Variants in CYFIP1 observed in about 807,000 individuals in gnomAD.
The protein encoded by CYFIP1 is cytoplasmic FMR1 interacting protein 1, also known as cytoplasmic FMR1-interacting protein 1.
In CYFIP1, 58 loss-of-function variants were observed where a neutral mutation model predicts 163.5. That is an observed-to-expected ratio of 0.35 (90% CI 0.29 to 0.44). The LOEUF is 0.44. CYFIP1 is among the 20% of genes least tolerant of loss of function. The pLI, the probability that CYFIP1 is intolerant of heterozygous loss-of-function variation, is 1.00. For synonymous variants in CYFIP1, 663 were observed against 660.7 expected, an observed-to-expected ratio of 1.00 and a Z score of -0.05; for missense variants, 1,338 against 1,653.8, an observed-to-expected ratio of 0.81 and a Z score of 3.31.
intron 8 of CYFIP1, among the ~76,000 whole-genome samples, chr15:22,938,830 G>A (rs55698585): frequency 0.24 from 36,933 of 151,274 alleles, 5,055 homozygotes; most frequent in African/African-American, 0.36. Context: ...TTGAGCCCAG[G>A]AGGTTGAGGC....
chr15:22,910,440 G>T (rs960731913), intron 20 of CYFIP1, 80 bp downstream of exon 20: 2 of 1,196,114 alleles, frequency 1.7e-6, no homozygotes, highest in Non-Finnish European at 2.4e-6. Flanking sequence ...GATTACAGGC[G>T]TGAGCCACCG....
rs1452588931 is a variant in CYFIP1, at chr15:22,868,926, T to C, written c.*1102A>G. 3.7e-5 allele frequency: 2 copies of C among 54,724 alleles called. No individual in the cohort carries two copies. The highest frequency in any genetic ancestry group is 6.8e-5 in the Non-Finnish European group (2 of 29,590). 3.4% of individuals were successfully genotyped at this position (54,724 alleles called of 1,614,324 possible). ...CTACAATAAACAGGCATAGCATCTT[T>C]TTCCATTCAGTTAGTTAGGATTTTC... On this transcript the variant is annotated 3_prime_UTR_variant, in exon 31 of 31. Coordinates refer to ENST00000617928, the MANE Select transcript of CYFIP1 (RefSeq NM_014608.6).
At chr15:22,969,408 A>G (rs2063013845) in intron 1 of CYFIP1, among the ~76,000 whole-genome samples, 1 of 152,214 alleles carries the variant, frequency 6.6e-6, no homozygotes, top group South Asian at 2.1e-4. Flanking sequence ...AATAGCACAG[A>G]TGCACATCAG....
At chr15:22,911,021 C>G (rs2060770535) in intron 18 of CYFIP1, among the ~76,000 whole-genome samples, 1 of 152,070 alleles carries the variant, frequency 6.6e-6, no homozygotes, top group South Asian at 2.1e-4. Context: ...CCTGCCTCAG[C>G]CTCCTGAGTA....
intron 23 of CYFIP1, 110 bp from the exon 24 acceptor site, chr15:22,883,121 G>C (rs949765543): frequency 7.6e-7 from 1 of 1,315,614 alleles, no homozygotes; most frequent in Admixed American, 2.1e-5. Context: ...GCGGGTCTGA[G>C]TCTACTGACT....
At chr15:22,880,638 C>T (rs1052850659) in intron 25 of CYFIP1, among the ~76,000 whole-genome samples, 29 of 152,322 alleles carry the variant, frequency 1.9e-4, no homozygotes, top group Admixed American at 7.2e-4. Flanking sequence ...AGACAGAAAC[C>T]GGCAGCTGAC....
chr15:22,892,417 C>A (rs1217285025), intron 23 of CYFIP1, among the ~76,000 whole-genome samples: 5 of 152,172 alleles, frequency 3.3e-5, no homozygotes, highest in Admixed American at 3.3e-4. Context: ...CAGGCACAGG[C>A]GGACATCCTT....
Position 22,873,052 on chromosome 15 carries a change from G to A in CYFIP1, c.3450-80C>T, listed in dbSNP as rs1463138830. 3.4e-6 allele frequency: 5 copies of A among 1,490,108 alleles called. No individual in the cohort carries two copies. The African/African-American group carries it at 4.1e-5, about 12-fold the overall frequency. The allele number at this position is 1,490,108 out of a possible 1,614,324, so 92.3% of individuals were successfully genotyped here. A position where few individuals can be genotyped will look rare whatever the true frequency, so the allele number is the denominator to read the frequency against. ...TTTCTCAGTCTGTCTCCAGATGTCA[G>A]TGACCAAGCCATCTGCATTACTGTC... On this transcript the variant is annotated intron_variant, in intron 29 of 30. Transcript: ENST00000617928.
intron 22 of CYFIP1, among the ~76,000 whole-genome samples, chr15:22,896,282 C>T (rs2060233155): frequency 6.6e-6 from 1 of 152,138 alleles, no homozygotes; most frequent in Non-Finnish European, 1.5e-5. Context: ...TTATTTTGAC[C>T]TGGTCAGTGC....
chr15:22,893,332 C>T (rs535586086), intron 22 of CYFIP1, among the ~76,000 whole-genome samples: 7 of 152,198 alleles, frequency 4.6e-5, no homozygotes, highest in East Asian at 1.9e-4. Context: ...GGCGACGCCC[C>T]GGTGGTTCAG....
intron 11 of CYFIP1, among the ~76,000 whole-genome samples, chr15:22,930,914 G>A (rs2061516448): frequency 1.3e-5 from 2 of 152,308 alleles, no homozygotes; most frequent in South Asian, 4.1e-4. Flanking sequence ...CCACAGCAGT[G>A]CACAGTACTG....
At chr15:22,889,760 G>T (rs1321615862) in intron 23 of CYFIP1, among the ~76,000 whole-genome samples, 3 of 152,094 alleles carry the variant, frequency 2.0e-5, no homozygotes, top group Non-Finnish European at 4.4e-5. Context: ...CTACTTTATT[G>T]TTATGCCTAA....
At chr15:22,914,674 G>T in intron 17 of CYFIP1, 52 bp downstream of exon 17, 1 of 1,537,758 alleles carries the variant, frequency 6.5e-7, no homozygotes, top group Non-Finnish European at 8.8e-7. Flanking sequence ...CTCCTCTGAG[G>T]ACCCCCGGTC....
chr15:22,939,476 G>T lies in CYFIP1; in HGVS notation c.601C>A (p.Pro201Thr). The T allele has an allele frequency of 1.2e-6, 2 of 1,600,472 alleles. No individual in the cohort carries two copies. Among genetic ancestry groups the T allele is most frequent in the Non-Finnish European group, 1.7e-6 (2 of 1,173,900 alleles). The change falls in exon 7 of 31, where the codon CCA becomes ACA. Residue 201 changes from proline to threonine, a missense_variant. This residue lies in a region of CYFIP1 where 186 missense variants were observed against 288.3 expected (regional missense o/e 0.65). Coordinates refer to ENST00000617928, the MANE Select transcript of CYFIP1 (RefSeq NM_014608.6). ...AAQFLRKMAD[P>T]QSIQESQNLS... The stretch of plus-strand genomic sequence containing the variant: ...TTCTGCGATTCCTGGATGGACTGTG[G>T]ATCTGCCATTTTACGTAAAAACTGA...
chr15:22,966,300 G>A lies in CYFIP1; in HGVS notation c.-7+13987C>T, dbSNP rs188497517. On this transcript the variant is annotated intron_variant, in intron 1 of 30. Transcript: ENST00000617928. ...AGGCAGGAGAATCGCTCGAACCCGG[G>A]AGGCAGAGGTTGCGGTGGGCCCAGA... 1.4e-4 allele frequency among the ~76,000 whole-genome samples: 21 copies of A among 151,438 alleles called. 1 individual carries two copies. Among genetic ancestry groups the A allele is most frequent in the Admixed American group, 1.2e-3 (19 of 15,220 alleles).
At chr15:22,894,804 T>C (rs989265897) in intron 22 of CYFIP1, among the ~76,000 whole-genome samples, 2 of 147,834 alleles carry the variant, frequency 1.4e-5, no homozygotes, top group African/African-American at 2.5e-5. Context: ...ATAATACATG[T>C]ATTTATTCTA....
Position 22,932,106 on chromosome 15 carries a change from A to G in CYFIP1, c.1110+117T>C, listed in dbSNP as rs978935545. The G allele has an allele frequency of 1.2e-5, 8 of 682,478 alleles. No homozygotes were observed. The East Asian group carries it at 2.0e-4, about 17-fold the overall frequency. The allele number at this position is 682,478 out of a possible 1,614,324, so 42.3% of individuals were successfully genotyped here. The stretch of plus-strand genomic sequence containing the variant: ...CAGAACCTGTCCCTGTCATTATGTG[A>G]CATATGATCGTATCTGGTAGTAAAC... On this transcript the variant is annotated intron_variant, in intron 11 of 30. Transcript: ENST00000617928.
chr15:22,980,474 C>T (rs895523511), upstream of CYFIP1: 8 of 152,496 alleles, frequency 5.2e-5, no homozygotes, highest in Non-Finnish European at 1.2e-4. Flanking sequence ...GCCCCGGCCG[C>T]TCCCTCCTCC....
intron 17 of CYFIP1, among the ~76,000 whole-genome samples, chr15:22,913,034 A>G (rs1462164515): frequency 6.6e-6 from 1 of 152,002 alleles, no homozygotes; most frequent in Non-Finnish European, 1.5e-5. Flanking sequence ...CGTCTCCATG[A>G]AACACAAAAC....
Sources: allele counts gnomAD v4.1 joint callset (sites outside exome capture counted in the v4.1 genomes callset), GRCh38; gene constraint gnomAD v4.1.1; regional missense constraint gnomAD v4.1.1; transcripts MANE v1.5; gene names NCBI Gene and HGNC (gene_info 2026-07-23, HGNC 2026-07-21).